CYFIP2: variants seen among roughly 807,000 people sequenced by gnomAD.
CYFIP2 encodes cytoplasmic FMR1-interacting protein 2.
A neutral mutation model predicts 158.7 loss-of-function variants in CYFIP2; 29 were observed. The observed-to-expected ratio is 0.18, with a 90% CI of 0.14 to 0.25. CYFIP2 has a LOEUF of 0.25. Among genes scored for constraint, CYFIP2 ranks in the 10% least tolerant of loss-of-function variants. The pLI is 1.00. For missense variants in CYFIP2, 852 were observed against 1,639.5 expected (o/e 0.52, Z 8.29); for synonymous variants, 585 against 617.6 (o/e 0.95, Z 0.78).
intron 30 of CYFIP2, 98 bp downstream of exon 30, chr5:157,390,766 A>C: frequency 1.3e-6 from 2 of 1,524,064 alleles, no homozygotes; most frequent in Non-Finnish European, 1.8e-6. Context: ...TGTGAAGGCC[A>C]GCTCCCCACA....
At chr5:157,353,856 G>A (rs1015334574) in intron 23 of CYFIP2, among the ~76,000 whole-genome samples, 2 of 152,210 alleles carry the variant, frequency 1.3e-5, no homozygotes, top group African/African-American at 4.8e-5. Flanking sequence ...CCAGAGAGCA[G>A]AGATGCAAAT....
chr5:157,360,197 C>A, intron 24 of CYFIP2, 85 bp from the exon 25 acceptor site: 1 of 1,113,964 alleles, frequency 9.0e-7, no homozygotes. Context: ...AGAGCCTGCC[C>A]CATCCTCTCA....
At chr5:157,329,368 C>T (rs1198105281) in intron 19 of CYFIP2, among the ~76,000 whole-genome samples, 2 of 152,218 alleles carry the variant, frequency 1.3e-5, no homozygotes, top group Non-Finnish European at 2.9e-5. Context: ...TCAGGCGTGT[C>T]GAACCCTGGG....
intron 1 of CYFIP2, among the ~76,000 whole-genome samples, chr5:157,284,988 C>A (rs1209499929): frequency 6.6e-6 from 1 of 152,200 alleles, no homozygotes; most frequent in Non-Finnish European, 1.5e-5. Context: ...GTTCTCACAT[C>A]CCACTTGAGG....
At chr5:157,269,361 T>C (rs1755886765) in intron 1 of CYFIP2, 1 of 152,124 alleles carries the variant, frequency 6.6e-6, no homozygotes, top group African/African-American at 2.4e-5. Flanking sequence ...AGGAAGGGCC[T>C]CTTCCTCTGT....
Position 157,393,511 on chromosome 5 carries a change from C to T in CYFIP2, c.*511C>T, listed in dbSNP as rs1767513123. The T allele has an allele frequency of 6.6e-6, 1 of 151,280 alleles. No individual in the cohort carries two copies. The highest frequency in any genetic ancestry group is 2.5e-5 in the African/African-American group (1 of 40,102). The allele number at this position is 151,280 out of a possible 1,614,324, so 9.4% of individuals were successfully genotyped here. ...TCCCTCCCTGCAGTGCCCCGGGTGT[C>T]ATCTTCTCCCACTCTGGGTACCAGG... On this transcript the variant is annotated 3_prime_UTR_variant, in exon 31 of 31. Coordinates refer to ENST00000620254, the MANE Select transcript of CYFIP2 (RefSeq NM_001037333.3).
intron 8 of CYFIP2, among the ~76,000 whole-genome samples, chr5:157,306,681 G>C (rs1759254334): frequency 6.6e-6 from 1 of 152,140 alleles, no homozygotes; most frequent in Non-Finnish European, 1.5e-5. Flanking sequence ...AAGAGTTTGA[G>C]ACCAGCCTGG....
chr5:157,302,136 C>T (rs1758800554), intron 6 of CYFIP2, among the ~76,000 whole-genome samples: 1 of 152,204 alleles, frequency 6.6e-6, no homozygotes, highest in Admixed American at 6.5e-5. Flanking sequence ...TCCTCTGCCG[C>T]CCAGCTAGGT....
chr5:157,323,086 G>T, intron 15 of CYFIP2: 1 of 1,363,210 alleles, frequency 7.3e-7, no homozygotes, highest in Non-Finnish European at 1.0e-6. Context: ...GACTAGCCTG[G>T]CTCCTCAAGG....
At position 157,393,159 on chromosome 5, in the gene CYFIP2, G is replaced by A; in HGVS notation, c.*159G>A. The stretch of plus-strand genomic sequence containing the variant: ...CACCACTCCCTAGGGCGGGGCCTGT[G>A]CATGCTCTCCCATGACATCTCCATG... On this transcript the variant is annotated 3_prime_UTR_variant, in exon 31 of 31. Coordinates refer to ENST00000620254, the MANE Select transcript of CYFIP2 (RefSeq NM_001037333.3). The A allele has an allele frequency of 1.5e-6, 1 of 666,124 alleles. No homozygotes were observed. The highest frequency in any genetic ancestry group is 2.4e-6 in the Non-Finnish European group (1 of 418,224). 41.3% of individuals were successfully genotyped at this position (666,124 alleles called of 1,614,324 possible).
chr5:157,362,831 C>A (rs1763959598), intron 26 of CYFIP2: 1 of 152,196 alleles, frequency 6.6e-6, no homozygotes, highest in Non-Finnish European at 1.5e-5. Flanking sequence ...GGGGAGATGG[C>A]CTGGAGAATG....
chr5:157,384,818 T>C (rs902411110), intron 28 of CYFIP2: 1 of 285,402 alleles, frequency 3.5e-6, no homozygotes, highest in African/African-American at 2.2e-5. Context: ...CGGGCACTTG[T>C]AATCCCAGCT....
chr5:157,288,688 C>T (rs190700792), intron 3 of CYFIP2: 9 of 445,828 alleles, frequency 2.0e-5, no homozygotes, highest in African/African-American at 8.1e-5. Flanking sequence ...TCCATTTTGC[C>T]GATGGGGAAA....
At chr5:157,345,042 C>T (rs544114608) in intron 23 of CYFIP2, among the ~76,000 whole-genome samples, 16 of 152,172 alleles carry the variant, frequency 1.1e-4, no homozygotes, top group Non-Finnish European at 1.5e-4. Context: ...AAATAGGGAA[C>T]GAAAGGGATG....
At chr5:157,348,765 G>C (rs1352468616) in intron 23 of CYFIP2, among the ~76,000 whole-genome samples, 2 of 151,904 alleles carry the variant, frequency 1.3e-5, no homozygotes, top group East Asian at 1.9e-4. Context: ...TAGTTGCTCT[G>C]CGGCTTTCCC....
chr5:157,295,287 T>A (rs1205051974), intron 4 of CYFIP2, among the ~76,000 whole-genome samples: 1 of 152,238 alleles, frequency 6.6e-6, no homozygotes, highest in Non-Finnish European at 1.5e-5. Context: ...TTTACAAAAA[T>A]GTATTATTTT....
At chr5:157,310,636 C>T (rs1472738098) in intron 10 of CYFIP2, among the ~76,000 whole-genome samples, 1 of 152,222 alleles carries the variant, frequency 6.6e-6, no homozygotes, top group Non-Finnish European at 1.5e-5. Flanking sequence ...ACTCATTCCT[C>T]ACTTTTCCCT....
intron 3 of CYFIP2, among the ~76,000 whole-genome samples, chr5:157,289,367 T>C (rs1225898429): frequency 6.6e-6 from 1 of 152,134 alleles, no homozygotes; most frequent in Non-Finnish European, 1.5e-5. Flanking sequence ...AAATAAAGGG[T>C]CGGGGCATAG....
chr5:157,270,482 G>A (rs760607288), intron 1 of CYFIP2, among the ~76,000 whole-genome samples: 4 of 152,232 alleles, frequency 2.6e-5, no homozygotes, highest in African/African-American at 4.8e-5. Flanking sequence ...TTGCAGGGCT[G>A]ACCCTCAGAG....
Sources: gnomAD v4.1 joint callset for allele counts (sites outside exome capture counted in the v4.1 genomes callset) on GRCh38, gnomAD v4.1.1 for gene constraint, MANE v1.5 for transcripts, NCBI Gene and HGNC (gene_info 2026-07-23, HGNC 2026-07-21) for gene names.